Variants in ARL15 observed in about 807,000 individuals in gnomAD.
ARL15 encodes ADP-ribosylation factor-like protein 15.
A neutral mutation model predicts 25.2 loss-of-function variants in ARL15; 19 were observed. The observed-to-expected ratio is 0.75, with a 90% CI of 0.53 to 1.10. The LOEUF is 1.10. ARL15 is among the 50% of genes least tolerant of loss of function. ARL15 has a pLI of 0.00. For missense variants in ARL15, 220 were observed against 246.0 expected, an observed-to-expected ratio of 0.89 and a Z score of 0.71; for synonymous variants, 94 against 86.8, an observed-to-expected ratio of 1.08 and a Z score of -0.46.
intron 4 of ARL15, among the ~76,000 whole-genome samples, chr5:53,965,402 C>G (rs1233621663): frequency 2.0e-5 from 3 of 152,092 alleles, no homozygotes; most frequent in Admixed American, 6.6e-5. Flanking sequence ...ATTATTTTAG[C>G]AATCTTCTGA....
chr5:54,146,152 G>C (rs1349924698), intron 3 of ARL15, among the ~76,000 whole-genome samples: 1 of 151,498 alleles, frequency 6.6e-6, no homozygotes, highest in African/African-American at 2.4e-5. Flanking sequence ...TATATACCCT[G>C]CCTCACACCA....
chr5:54,046,095 A>T (rs576081766), intron 4 of ARL15, among the ~76,000 whole-genome samples: 1 of 152,348 alleles, frequency 6.6e-6, no homozygotes, highest in East Asian at 1.9e-4. Flanking sequence ...ATATATTCTT[A>T]TTGATTGAAC....
At chr5:54,147,420 C>T (rs1295793138) in intron 3 of ARL15, among the ~76,000 whole-genome samples, 1 of 152,302 alleles carries the variant, frequency 6.6e-6, no homozygotes, top group East Asian at 1.9e-4. Flanking sequence ...TTAAAACTTA[C>T]ATTTTACGTA....
intron 1 of ARL15, among the ~76,000 whole-genome samples, chr5:54,190,728 T>C (rs577189223): frequency 4.6e-5 from 7 of 152,278 alleles, no homozygotes; most frequent in African/African-American, 1.4e-4. Flanking sequence ...ACATTGGGTC[T>C]TAGGTTCCAT....
In ARL15 at chr5:54,037,982, A is replaced by C. The variant is rs143886962; in HGVS notation, c.462+75220T>G. 2.0e-3 allele frequency among the ~76,000 whole-genome samples: 300 copies of C among 152,228 alleles called. 3 individuals are homozygous for C. The highest frequency in any genetic ancestry group is 0.013 in the Admixed American group (193 of 15,282). On this transcript the variant is annotated intron_variant, in intron 4 of 4. Coordinates refer to ENST00000504924, the MANE Select transcript of ARL15 (RefSeq NM_019087.3). ...ATCTCCAAACTATTACATATCTTAGAAATAATTTTTTATTTAGTAATCATT... is the reference window on the plus strand; with the variant it reads ...ATCTCCAAACTATTACATATCTTAGCAATAATTTTTTATTTAGTAATCATT...
At chr5:54,056,474 T>C (rs1278856566) in intron 4 of ARL15, among the ~76,000 whole-genome samples, 1 of 151,206 alleles carries the variant, frequency 6.6e-6, no homozygotes. Flanking sequence ...TTACTAAAAA[T>C]AAAAAATCAG....
intron 4 of ARL15, among the ~76,000 whole-genome samples, chr5:53,978,060 A>C (rs1347699128): frequency 1.3e-5 from 2 of 152,168 alleles, no homozygotes; most frequent in African/African-American, 4.8e-5. Flanking sequence ...TAACACCTAA[A>C]TCCAAAAAGG....
In ARL15 at chr5:54,013,789, T is replaced by C. The variant is rs114256272; in HGVS notation, c.462+99413A>G. On this transcript the variant is annotated intron_variant, in intron 4 of 4. Coordinates refer to ENST00000504924, the MANE Select transcript of ARL15 (RefSeq NM_019087.3). ...CTGACTCAGCACACAAGGGCTGTTCTCCACACCCCTATGATTTCACTTGTA... is the reference window on the plus strand; with the variant it reads ...CTGACTCAGCACACAAGGGCTGTTCCCCACACCCCTATGATTTCACTTGTA... Among the ~76,000 whole-genome samples, 823 of 152,268 alleles carry C rather than the reference T, an allele frequency of 5.4e-3. 4 individuals carry two copies. Among genetic ancestry groups the C allele is most frequent in the Admixed American group, 0.011 (169 of 15,288 alleles).
In ARL15 at chr5:54,140,080, A is replaced by G. The variant is rs538155432; in HGVS notation, c.253+14500T>C. On this transcript the variant is annotated intron_variant, in intron 3 of 4. Transcript: ENST00000504924. Reference sequence around the variant, plus strand: ...CAAAGAAAGCCCAAATTTAAAATCTATCAATGTATCTATCTGACTACTATC... The same window carrying G: ...CAAAGAAAGCCCAAATTTAAAATCTGTCAATGTATCTATCTGACTACTATC... Among the ~76,000 whole-genome samples, 43 of 152,316 alleles carry G rather than the reference A, an allele frequency of 2.8e-4. No individual in the cohort carries two copies. In the South Asian group the frequency reaches 8.1e-3, roughly 29 times the overall value.
rs769517665 is a variant in ARL15, at chr5:54,171,779, C to A, written c.193+5G>T. Reference sequence around the variant, plus strand: ...GAAGGGACAGAACCCCAGCACAGTACCCACCTGTGGTCGACACGACGTTAT... The same window carrying A: ...GAAGGGACAGAACCCCAGCACAGTAACCACCTGTGGTCGACACGACGTTAT... On this transcript the variant is annotated splice_donor_5th_base_variant and intron_variant, in intron 2 of 4. Transcript: ENST00000504924. 4 of 1,610,502 alleles carry A rather than the reference C, an allele frequency of 2.5e-6. No individual in the cohort carries two copies. The South Asian group carries it at 4.4e-5, about 18-fold the overall frequency.
At chr5:54,195,979 T>G (rs1489235203) in intron 1 of ARL15, among the ~76,000 whole-genome samples, 1 of 152,122 alleles carries the variant, frequency 6.6e-6, no homozygotes, top group Non-Finnish European at 1.5e-5. Context: ...TCTTCTCCTG[T>G]GTGCTACCAA....
At chr5:54,233,784 T>C (rs533681948) in intron 1 of ARL15, among the ~76,000 whole-genome samples, 1 of 152,322 alleles carries the variant, frequency 6.6e-6, no homozygotes, top group African/African-American at 2.4e-5. Flanking sequence ...TCCAACTTCA[T>C]AGCTGCGTGG....
chr5:53,942,989 A>G (rs1419023318), intron 4 of ARL15, among the ~76,000 whole-genome samples: 1 of 152,064 alleles, frequency 6.6e-6, no homozygotes, highest in Non-Finnish European at 1.5e-5. Flanking sequence ...TTCAAGAGGG[A>G]AAATGGGAGG....
intron 1 of ARL15, among the ~76,000 whole-genome samples, chr5:54,198,831 A>G (rs1045681974): frequency 4.6e-5 from 7 of 151,808 alleles, no homozygotes; most frequent in Admixed American, 4.6e-4. Context: ...AAGAGCCCGC[A>G]TCGCCAAGTC....
chr5:53,995,969 A>C (rs1748655958), intron 4 of ARL15, among the ~76,000 whole-genome samples: 1 of 152,210 alleles, frequency 6.6e-6, no homozygotes, highest in African/African-American at 2.4e-5. Flanking sequence ...GGGGTGGTTG[A>C]GTGTTCCTTA....
At chr5:54,075,942 C>T (rs1199156190) in intron 4 of ARL15, among the ~76,000 whole-genome samples, 1 of 152,170 alleles carries the variant, frequency 6.6e-6, no homozygotes, top group Non-Finnish European at 1.5e-5. Flanking sequence ...TATACACTGA[C>T]TCTGCAGTTT....
chr5:54,034,567 G>C (rs973027057), intron 4 of ARL15, among the ~76,000 whole-genome samples: 18 of 152,146 alleles, frequency 1.2e-4, no homozygotes, highest in Non-Finnish European at 1.9e-4. Flanking sequence ...CTACACTGTA[G>C]GCAGGCATAA....
At chr5:54,236,030 T>G (rs1756795293) in intron 1 of ARL15, among the ~76,000 whole-genome samples, 1 of 152,058 alleles carries the variant, frequency 6.6e-6, no homozygotes, top group Non-Finnish European at 1.5e-5. Flanking sequence ...AGCTATTTGG[T>G]TTTTAAATCA....
At chr5:53,980,224 A>G (rs1245649486) in intron 4 of ARL15, among the ~76,000 whole-genome samples, 1 of 152,226 alleles carries the variant, frequency 6.6e-6, no homozygotes, top group Middle Eastern at 3.2e-3. Flanking sequence ...CCCATTTCTT[A>G]GTACTAGTTT....
Sources: gnomAD v4.1 joint callset for allele counts (sites outside exome capture counted in the v4.1 genomes callset) on GRCh38, gnomAD v4.1.1 for gene constraint, MANE v1.5 for transcripts, NCBI Gene and HGNC (gene_info 2026-07-23, HGNC 2026-07-21) for gene names.